The following FER variants were observed in gnomAD, a reference collection of about 807,000 sequenced individuals.
The protein encoded by FER is FER tyrosine kinase.
FER carries 63 observed loss-of-function variants against 111.0 expected under a neutral mutation model. That is an observed-to-expected ratio of 0.57 (90% CI 0.46 to 0.70). The LOEUF is 0.70. Among genes scored for constraint, FER ranks in the 30% least tolerant of loss-of-function variants. The pLI is 0.00. For missense variants in FER, 914 were observed against 954.0 expected (o/e 0.96, Z 0.55); for synonymous variants, 327 against 313.9 (o/e 1.04, Z -0.44).
At chr5:109,020,421 A>T (rs76702437) in intron 13 of FER, among the ~76,000 whole-genome samples, 4,585 of 152,048 alleles carry the variant, frequency 0.03, 104 homozygotes, top group African/African-American at 0.064. Flanking sequence ...TCTAAAACTC[A>T]ACTTAGAACT....
intron 17 of FER, among the ~76,000 whole-genome samples, chr5:109,107,253 CA>C (rs1233323023): frequency 6.6e-6 from 1 of 152,124 alleles, no homozygotes. Flanking sequence ...TAAACAATTA[CA>C]AATGGTTACA....
At chr5:108,847,392 C>A (rs866704580) in intron 5 of FER, among the ~76,000 whole-genome samples, 5 of 151,614 alleles carry the variant, frequency 3.3e-5, no homozygotes, top group African/African-American at 4.8e-5. Context: ...GACTTTATTT[C>A]TTTTACATTT....
Position 109,192,544 on chromosome 5 carries a change from A to T in FER, c.*4969A>T, listed in dbSNP as rs1053228363. On this transcript the variant is annotated 3_prime_UTR_variant, in exon 20 of 20. Transcript: ENST00000281092. ...TATTTCCCAACTAATGCATTTGGAC[A>T]TATGTATTCCAGTTTTTCAAAGACA... 1.3e-5 allele frequency: 2 copies of T among 152,154 alleles called. No homozygotes were observed. The highest frequency in any genetic ancestry group is 2.9e-5 in the Non-Finnish European group (2 of 68,022). The allele number at this position is 152,154 out of a possible 1,614,324, so 9.4% of individuals were successfully genotyped here. A position where few individuals can be genotyped will look rare whatever the true frequency, so the allele number is the denominator to read the frequency against.
intron 4 of FER, among the ~76,000 whole-genome samples, chr5:108,835,192 C>G (rs190406944): frequency 0.016 from 1,949 of 121,620 alleles, 393 homozygotes; most frequent in Middle Eastern, 0.048. Flanking sequence ...CCACCCCCCC[C>G]CCCCCACTTT....
intron 5 of FER, among the ~76,000 whole-genome samples, chr5:108,851,028 T>G (rs1762495219): frequency 6.6e-6 from 1 of 152,204 alleles, no homozygotes; most frequent in Non-Finnish European, 1.5e-5. Context: ...GAGTTTATCA[T>G]CCTTCCTAAT....
At chr5:108,894,493 C>T in intron 9 of FER, 1 of 404,032 alleles carries the variant, frequency 2.5e-6, no homozygotes, top group Non-Finnish European at 4.9e-6. Flanking sequence ...TTCTCAGAGT[C>T]TATGACACTG....
chr5:109,186,382 A>C, intron 19 of FER, 60 bp downstream of exon 19: 2 of 1,612,708 alleles, frequency 1.2e-6, no homozygotes, highest in Non-Finnish European at 1.7e-6. Flanking sequence ...GGCAGTGCTT[A>C]TAGTGTGTCT....
intron 1 of FER, among the ~76,000 whole-genome samples, chr5:108,756,349 A>G (rs554111825): frequency 1.5e-4 from 23 of 152,096 alleles, no homozygotes; most frequent in African/African-American, 5.1e-4. Context: ...AAACATTTTC[A>G]GGTATCACCT....
intron 2 of FER, among the ~76,000 whole-genome samples, chr5:108,770,534 G>A (rs1292714982): frequency 6.6e-6 from 1 of 152,054 alleles, no homozygotes. Context: ...GAGTGCAGTT[G>A]CACAATCACA....
At chr5:108,751,944 C>T (rs534832748) in intron 1 of FER, among the ~76,000 whole-genome samples, 5 of 151,646 alleles carry the variant, frequency 3.3e-5, no homozygotes, top group African/African-American at 1.2e-4. Context: ...TTTTGCATAC[C>T]CTAAATCTGT....
At chr5:109,055,616 C>G (rs1773517320) in intron 16 of FER, among the ~76,000 whole-genome samples, 1 of 151,528 alleles carries the variant, frequency 6.6e-6, no homozygotes, top group African/African-American at 2.4e-5. Context: ...GAGATCCTGT[C>G]TCTATGACTT....
At chr5:109,126,241 G>A (rs1751701721) in intron 17 of FER, among the ~76,000 whole-genome samples, 1 of 152,140 alleles carries the variant, frequency 6.6e-6, no homozygotes, top group South Asian at 2.1e-4. Flanking sequence ...TGTTCATCTA[G>A]TCCCTTGGCC....
intron 13 of FER, among the ~76,000 whole-genome samples, chr5:109,023,662 CTT>C (rs202160689): frequency 1.3e-5 from 2 of 148,250 alleles, no homozygotes; most frequent in Admixed American, 6.8e-5. Context: ...TTTTTTGTAA[CTT>C]TTTTTTTTTA....
At chr5:108,763,473 T>C (rs1418886057) in intron 1 of FER, among the ~76,000 whole-genome samples, 1 of 152,146 alleles carries the variant, frequency 6.6e-6, no homozygotes, top group Non-Finnish European at 1.5e-5. Flanking sequence ...CAAGCTTGTA[T>C]AGGGTGTTGG....
intron 5 of FER, among the ~76,000 whole-genome samples, chr5:108,857,514 A>G (rs1763116421): frequency 6.6e-6 from 1 of 152,008 alleles, no homozygotes; most frequent in South Asian, 2.1e-4. Flanking sequence ...TCTTTTTGTT[A>G]ATAAGTATTG....
chr5:109,060,760 G>GTA (rs1491108800), intron 16 of FER, among the ~76,000 whole-genome samples: 1 of 117,944 alleles, frequency 8.5e-6, no homozygotes, highest in Non-Finnish European at 2.0e-5. Flanking sequence ...CGTATGTGTG[G>GTA]TGTGTGTGTG....
rs1192042957 is a variant in FER at position 108,835,698 on chromosome 5, T to A, written c.382-10T>A. 1 of 1,523,886 alleles carries A rather than the reference T, an allele frequency of 6.6e-7. No individual in the cohort carries two copies. Among genetic ancestry groups the A allele is most frequent in the Non-Finnish European group, 8.9e-7 (1 of 1,128,358 alleles). The allele number at this position is 1,523,886 out of a possible 1,614,324, so 94.4% of individuals were successfully genotyped here. Reference sequence around the variant, plus strand: ...ATTTAATACATTTATGCATTTTGTTTCTTTGACAGGTTACCAAAACAGAAT... The same window carrying A: ...ATTTAATACATTTATGCATTTTGTTACTTTGACAGGTTACCAAAACAGAAT... On this transcript the variant is annotated splice_polypyrimidine_tract_variant and intron_variant, in intron 4 of 19. Coordinates refer to ENST00000281092, the MANE Select transcript of FER (RefSeq NM_005246.4).
chr5:109,042,168 G>T (rs1771273670), intron 14 of FER, among the ~76,000 whole-genome samples: 1 of 152,110 alleles, frequency 6.6e-6, no homozygotes, highest in Non-Finnish European at 1.5e-5. Flanking sequence ...GAGAAATGAA[G>T]ATTAACCGAG....
At chr5:108,797,677 G>A (rs910377081) in intron 2 of FER, among the ~76,000 whole-genome samples, 2 of 152,224 alleles carry the variant, frequency 1.3e-5, no homozygotes, top group South Asian at 4.1e-4. Context: ...TTCAGCGATA[G>A]GAAGTTAAAA....
Sources: allele counts gnomAD v4.1 joint callset (sites outside exome capture counted in the v4.1 genomes callset), GRCh38; gene constraint gnomAD v4.1.1; transcripts MANE v1.5; gene names NCBI Gene and HGNC (gene_info 2026-07-23, HGNC 2026-07-21).